The following GPATCH8 variants were observed in gnomAD, a reference collection of about 807,000 sequenced individuals.
GPATCH8 encodes the protein G patch domain-containing protein 8.
A neutral mutation model predicts 118.3 loss-of-function variants in GPATCH8; 18 were observed. The observed-to-expected ratio is 0.15, with a 90% CI of 0.11 to 0.23. GPATCH8 has a LOEUF of 0.23. Ranked by LOEUF, GPATCH8 falls within the 10% of genes least tolerant of loss-of-function variation. GPATCH8 has a pLI of 1.00. For missense variants in GPATCH8, 1,631 were observed against 1,873.8 expected (o/e 0.87, Z 2.39); for synonymous variants, 659 against 684.7 (o/e 0.96, Z 0.59).
chr17:44,410,986 G>A (rs2049408334), intron 6 of GPATCH8, among the ~76,000 whole-genome samples: 3 of 152,176 alleles, frequency 2.0e-5, no homozygotes. Context: ...TTTTACTGTG[G>A]ACACAAAGTA....
rs1272238317 is a variant in GPATCH8 at position 44,414,105 on chromosome 17, GTA to G, written c.493-8056_493-8055del. ...TGTGTGTGTATATATATATATGTGT[GTA>G]TATATATATGTATATATATGTGTAT... On this transcript the variant is annotated intron_variant, in intron 6 of 7. Transcript: ENST00000591680. Among the ~76,000 whole-genome samples, 595 of 100,822 alleles carry G rather than the reference GTA, an allele frequency of 5.9e-3. 7 individuals are homozygous for G. Among genetic ancestry groups the G allele is most frequent in the African/African-American group, 0.017 (516 of 29,786 alleles). The allele number at this position is 100,822 out of a possible 152,430, so 66.1% of individuals were successfully genotyped here.
chr17:44,397,304 G>A lies in GPATCH8; in HGVS notation c.*264C>T, dbSNP rs1209372458. On this transcript the variant is annotated 3_prime_UTR_variant, in exon 8 of 8. Transcript: ENST00000591680. ...TTGGAGATGTTGCTGCAGAGGGGTG[G>A]GTAGCACTTACTGGTGTTCCCTAGC... 7.8e-6 allele frequency: 5 copies of A among 639,008 alleles called. No individual in the cohort carries two copies. The highest frequency in any genetic ancestry group is 3.0e-5 in the South Asian group (2 of 66,132). 39.6% of individuals were successfully genotyped at this position (639,008 alleles called of 1,614,324 possible). A position where few individuals can be genotyped will look rare whatever the true frequency, so the allele number is the denominator to read the frequency against.
rs767847154 is a variant in GPATCH8, at chr17:44,400,465, A to C, written c.1612T>G (p.Phe538Val). ...EGPKHPTGPF[F>V]PVLSKDESTA... The stretch of plus-strand genomic sequence containing the variant: ...CTTTCATCTTTGCTCAAAACTGGGA[A>C]GAAGGGACCAGTAGGATGTTTGGGT... Residue 538 changes from phenylalanine (F) to valine (V), a missense_variant, in exon 8 of 8, where the codon TTC (phenylalanine) becomes GTC (valine). Physicochemically the swap from Phe to Val is conservative, Grantham distance 50. This residue lies in a region of GPATCH8 where 405 missense variants were observed against 462.7 expected (regional missense o/e 0.88). Coordinates refer to ENST00000591680, the MANE Select transcript of GPATCH8 (RefSeq NM_001002909.4). 1.2e-6 allele frequency: 2 copies of C among 1,614,184 alleles called. No homozygotes were observed. The highest frequency in any genetic ancestry group is 4.5e-5 in the East Asian group (2 of 44,890).
In GPATCH8 at chr17:44,397,708, C is replaced by G. The variant is rs1299159068; in HGVS notation, c.4369G>C (p.Val1457Leu). Residue 1457 changes from valine (V) to leucine (L), a missense_variant, in exon 8 of 8, where the codon GTC (valine) becomes CTC (leucine). Coordinates refer to ENST00000591680, the MANE Select transcript of GPATCH8 (RefSeq NM_001002909.4). ...IHPGPFTFHP[V>L]PHAALYPTLL... ...GTGGGGTAGAGGGCAGCATGTGGGA[C>G]AGGGTGAAAGGTGAAGGGCCCAGGA... is the stretch of plus-strand genomic sequence containing the variant. 1.2e-6 allele frequency: 2 copies of G among 1,609,380 alleles called. No homozygotes were observed. The highest frequency in any genetic ancestry group is 1.7e-6 in the Non-Finnish European group (2 of 1,177,140).
chr17:44,499,469 C>CA (rs926797476), intron 1 of GPATCH8, among the ~76,000 whole-genome samples: 1 of 151,854 alleles, frequency 6.6e-6, no homozygotes, highest in African/African-American at 2.4e-5. Flanking sequence ...AACTCCATCT[C>CA]AAAAAAATAA....
intron 6 of GPATCH8, among the ~76,000 whole-genome samples, chr17:44,412,064 A>C (rs2049458380): frequency 6.6e-6 from 1 of 152,150 alleles, no homozygotes. Flanking sequence ...CTGGGATTAC[A>C]AGCATGCGCC....
chr17:44,398,616 G>A lies in GPATCH8; in HGVS notation c.3461C>T (p.Thr1154Ile). The A allele has an allele frequency of 5.8e-6, 9 of 1,543,874 alleles. No individual in the cohort carries two copies. Among genetic ancestry groups the A allele is most frequent in the Non-Finnish European group, 7.8e-6 (9 of 1,148,546 alleles). ...TTCACACTTCTTATTGGGCTTTCGGGTAGCTGGGAGCTTCCCTATCAGTGG... is the reference window on the plus strand; with the variant it reads ...TTCACACTTCTTATTGGGCTTTCGGATAGCTGGGAGCTTCCCTATCAGTGG... ...VLPLIGKLPA[T>I]RKPNKKCEES... Residue 1154 changes from threonine to isoleucine, a missense_variant, in exon 8 of 8, where the codon ACC (threonine) becomes ATC (isoleucine). This residue lies in a region of GPATCH8 where 922 missense variants were observed against 879.7 expected (regional missense o/e 1.05). Coordinates refer to ENST00000591680, the MANE Select transcript of GPATCH8 (RefSeq NM_001002909.4).
Position 44,396,987 on chromosome 17 carries a change from G to A in GPATCH8, c.*581C>T. The A allele has an allele frequency of 2.2e-6, 1 of 454,086 alleles. No individual in the cohort carries two copies. Among genetic ancestry groups the A allele is most frequent in the South Asian group, 1.6e-5 (1 of 64,474 alleles). 28.1% of individuals were successfully genotyped at this position (454,086 alleles called of 1,614,324 possible). ...GCTCCGTTGATGTGGGAACTGGATG[G>A]AATTGCAGCCTGAGTTATATCAGGT... On this transcript the variant is annotated 3_prime_UTR_variant, in exon 8 of 8. Coordinates refer to ENST00000591680, the MANE Select transcript of GPATCH8 (RefSeq NM_001002909.4).
intron 1 of GPATCH8, among the ~76,000 whole-genome samples, chr17:44,494,251 C>T (rs1431873478): frequency 6.6e-6 from 1 of 152,064 alleles, no homozygotes; most frequent in Non-Finnish European, 1.5e-5. Context: ...TTGCTGCCAC[C>T]ACCCCCACTC....
At chr17:44,432,674 G>A (rs992829772) in intron 5 of GPATCH8, among the ~76,000 whole-genome samples, 2 of 152,140 alleles carry the variant, frequency 1.3e-5, no homozygotes, top group Non-Finnish European at 2.9e-5. Context: ...ACAAATTAAG[G>A]AGGAGCTAAG....
intron 3 of GPATCH8, among the ~76,000 whole-genome samples, chr17:44,438,413 A>T (rs940012692): frequency 2.0e-5 from 3 of 152,076 alleles, no homozygotes; most frequent in African/African-American, 7.2e-5. Flanking sequence ...TGCCCATTAC[A>T]TTGTGGGGAA....
chr17:44,484,666 G>A (rs1217827851), intron 1 of GPATCH8, among the ~76,000 whole-genome samples: 1 of 152,074 alleles, frequency 6.6e-6, no homozygotes, highest in African/African-American at 2.4e-5. Context: ...TCCCACAGAG[G>A]ATACCACATT....
At chr17:44,403,000 T>C (rs1000969703) in intron 7 of GPATCH8, among the ~76,000 whole-genome samples, 6 of 152,016 alleles carry the variant, frequency 3.9e-5, no homozygotes, top group Admixed American at 1.3e-4. Flanking sequence ...CTCATTGCAG[T>C]CTCAAACTCC....
At chr17:44,429,851 A>T (rs1365693165) in intron 5 of GPATCH8, among the ~76,000 whole-genome samples, 1 of 149,140 alleles carries the variant, frequency 6.7e-6, no homozygotes, top group Non-Finnish European at 1.5e-5. Flanking sequence ...GTGACAGAGT[A>T]AGACTCCGTC....
In GPATCH8 at chr17:44,397,242, A is replaced by G; in HGVS notation, c.*326T>C. ...TACAGAAGGGAAGAGCAGAGGAAAAAAGCAGAGGGAGGAGGGGATTATCTA... is the reference window on the plus strand; with the variant it reads ...TACAGAAGGGAAGAGCAGAGGAAAAGAGCAGAGGGAGGAGGGGATTATCTA... On this transcript the variant is annotated 3_prime_UTR_variant, in exon 8 of 8. Transcript: ENST00000591680. The G allele has an allele frequency of 1.9e-6, 1 of 514,470 alleles. No individual in the cohort carries two copies. Among genetic ancestry groups the G allele is most frequent in the Non-Finnish European group, 3.8e-6 (1 of 266,304 alleles). 31.9% of individuals were successfully genotyped at this position (514,470 alleles called of 1,614,324 possible). A position where few individuals can be genotyped will look rare whatever the true frequency, so the allele number is the denominator to read the frequency against.
rs748333946 is a variant in GPATCH8 at position 44,399,101 on chromosome 17, G to T, written c.2976C>A (p.Arg992=). ...GGGAAGGGCTCCTGGTGCTGCGGCTGCGGTCCCGGCTATAGCTCCGGCTCC... is the reference window on the plus strand; with the variant it reads ...GGGAAGGGCTCCTGGTGCTGCGGCTTCGGTCCCGGCTATAGCTCCGGCTCC... The part of the protein sequence containing the change: ...WQRSRSYSRD[R]SRSTRSPSQR... The change falls in exon 8 of 8, where the codon CGC becomes CGA. Residue 992 remains arginine, a synonymous_variant. Transcript: ENST00000591680. 19 of 1,613,772 alleles carry T rather than the reference G, an allele frequency of 1.2e-5. No individual in the cohort carries two copies. The highest frequency in any genetic ancestry group is 1.6e-5 in the Non-Finnish European group (19 of 1,179,786).
chr17:44,450,607 C>T (rs2051078079), intron 3 of GPATCH8, among the ~76,000 whole-genome samples: 1 of 152,078 alleles, frequency 6.6e-6, no homozygotes, highest in South Asian at 2.1e-4. Flanking sequence ...AAATATATTA[C>T]ACTTTGTTCT....
chr17:44,484,066 T>C (rs1968579282), intron 1 of GPATCH8, among the ~76,000 whole-genome samples: 2 of 152,178 alleles, frequency 1.3e-5, no homozygotes, highest in Non-Finnish European at 2.9e-5. Context: ...GGTCTTGATC[T>C]CCTGACTTCG....
chr17:44,421,166 T>C (rs1057137498), intron 6 of GPATCH8, among the ~76,000 whole-genome samples: 13 of 152,010 alleles, frequency 8.6e-5, no homozygotes, highest in Admixed American at 3.3e-4. Context: ...TGTTTTCTAG[T>C]TAAAACTTTT....
Sources: allele counts gnomAD v4.1 joint callset (sites outside exome capture counted in the v4.1 genomes callset), GRCh38; gene constraint gnomAD v4.1.1; regional missense constraint gnomAD v4.1.1; transcripts MANE v1.5; gene names NCBI Gene and HGNC (gene_info 2026-07-23, HGNC 2026-07-21).